LOC400499: variants seen among roughly 807,000 people sequenced by gnomAD.
At chr16:11,503,082 C>T in the LOC400499 span, among the ~76,000 whole-genome samples, 142 of 151,710 alleles carry the variant, frequency 9.4e-4, 1 homozygote, top group Admixed American at 2.4e-3. Context: ...TCACCACGCT[C>T]AGCTAATTTT....
chr16:11,494,595 C>T, the LOC400499 span: 43 of 399,048 alleles, frequency 1.1e-4, no homozygotes, highest in African/African-American at 7.4e-4. Flanking sequence ...TCCGAGGGCT[C>T]CTGGATGGTA....
the LOC400499 span, among the ~76,000 whole-genome samples, chr16:11,517,164 C>G: frequency 2.0e-5 from 3 of 152,114 alleles, no homozygotes; most frequent in African/African-American, 7.2e-5. Context: ...AAACTTTATC[C>G]CACACTAGCA....
At chr16:11,410,018 C>T in the LOC400499 span, among the ~76,000 whole-genome samples, 3 of 152,162 alleles carry the variant, frequency 2.0e-5, no homozygotes, top group African/African-American at 7.2e-5. Flanking sequence ...GGTGGTACCA[C>T]CTGTAGTCCC....
the LOC400499 span, among the ~76,000 whole-genome samples, chr16:11,426,045 A>G: frequency 6.6e-6 from 1 of 152,214 alleles, no homozygotes; most frequent in African/African-American, 2.4e-5. Flanking sequence ...CCGAAGTCCA[A>G]TTTAATTCAC....
chr16:11,436,054 T>G, the LOC400499 span, among the ~76,000 whole-genome samples: 21 of 152,206 alleles, frequency 1.4e-4, no homozygotes, highest in South Asian at 4.1e-3. Flanking sequence ...ATGGGGGAGA[T>G]AGCCTACCCT....
At chr16:11,521,269 T>C in the LOC400499 span, among the ~76,000 whole-genome samples, 1 of 152,112 alleles carries the variant, frequency 6.6e-6, no homozygotes, top group Non-Finnish European at 1.5e-5. Flanking sequence ...CAACAGAAAC[T>C]AAAAGGCCTT....
At chr16:11,473,572 T>C in the LOC400499 span, among the ~76,000 whole-genome samples, 2 of 152,076 alleles carry the variant, frequency 1.3e-5, 1 homozygote, top group African/African-American at 4.8e-5. Flanking sequence ...CTGGCCAATG[T>C]GGTAAAACCC....
chr16:11,420,575 C>T, the LOC400499 span, among the ~76,000 whole-genome samples: 32 of 149,664 alleles, frequency 2.1e-4, no homozygotes, highest in East Asian at 5.9e-3. Context: ...GCACATGTAC[C>T]CTAAAACTTA....
chr16:11,419,921 A>C, the LOC400499 span, among the ~76,000 whole-genome samples: 2,010 of 150,816 alleles, frequency 0.013, 33 homozygotes, highest in African/African-American at 0.047. Context: ...TTAGAATGGC[A>C]ATCATTAAAA....
the LOC400499 span, among the ~76,000 whole-genome samples, chr16:11,519,889 G>A: frequency 6.6e-6 from 1 of 152,040 alleles, no homozygotes; most frequent in Non-Finnish European, 1.5e-5. Flanking sequence ...ATTTAGTAGA[G>A]ACAGGGTTTT....
the LOC400499 span, chr16:11,404,798 C>T: frequency 2.3e-5 from 9 of 398,906 alleles, no homozygotes; most frequent in East Asian, 7.1e-5. Context: ...CCACCTGGCG[C>T]AGGACACGGG....
chr16:11,450,490 C>A, the LOC400499 span: 7 of 972,184 alleles, frequency 7.2e-6, no homozygotes, highest in Non-Finnish European at 9.0e-6. Flanking sequence ...GAGGGCCAGA[C>A]TTCACACACC....
At chr16:11,463,369 G>C in the LOC400499 span, among the ~76,000 whole-genome samples, 3 of 149,208 alleles carry the variant, frequency 2.0e-5, no homozygotes, top group Non-Finnish European at 3.0e-5. Flanking sequence ...GATCCCCACA[G>C]ATGTGTGTGC....
the LOC400499 span, among the ~76,000 whole-genome samples, chr16:11,509,845 A>G: frequency 0.59 from 89,102 of 151,848 alleles, 26,558 homozygotes; most frequent in Admixed American, 0.66. Flanking sequence ...AAAACAAAAC[A>G]CAACAAAACA....
the LOC400499 span, among the ~76,000 whole-genome samples, chr16:11,395,747 G>A: frequency 8.5e-5 from 13 of 152,208 alleles, no homozygotes; most frequent in African/African-American, 2.7e-4. Flanking sequence ...AAAGTCACGA[G>A]GCCAAGTTCA....
chr16:11,475,736 G>C, the LOC400499 span: 3 of 398,764 alleles, frequency 7.5e-6, no homozygotes, highest in African/African-American at 6.2e-5. Flanking sequence ...AAAGAGGACA[G>C]TGTCAGACGC....
the LOC400499 span, among the ~76,000 whole-genome samples, chr16:11,433,913 T>C: frequency 1.3e-5 from 2 of 152,208 alleles, no homozygotes; most frequent in African/African-American, 2.4e-5. Flanking sequence ...CTATAATCAA[T>C]GAATAAATAT....
the LOC400499 span, among the ~76,000 whole-genome samples, chr16:11,512,063 C>T: frequency 6.6e-6 from 1 of 151,748 alleles, no homozygotes; most frequent in African/African-American, 2.4e-5. Flanking sequence ...CCGAGGTGGG[C>T]GGATCACCTG....
chr16:11,421,548 T>C, the LOC400499 span, among the ~76,000 whole-genome samples: 1 of 152,110 alleles, frequency 6.6e-6, no homozygotes, highest in Non-Finnish European at 1.5e-5. Context: ...ATTATACGCA[T>C]GCGCCACCAC....
Sources: allele counts gnomAD v4.1 joint callset (sites outside exome capture counted in the v4.1 genomes callset), GRCh38; gene constraint gnomAD v4.1.1; transcripts MANE v1.5.